The following LRTM1 variants were observed in gnomAD, a reference collection of about 807,000 sequenced individuals.
LRTM1 encodes leucine rich repeat transmembrane protein 1.
LRTM1 carries 38 observed loss-of-function variants against 32.4 expected under a neutral mutation model. That is an observed-to-expected ratio of 1.17 (90% CI 0.91 to 1.54). The LOEUF (loss-of-function observed/expected upper bound fraction) is 1.54, where lower values mean the gene tolerates loss of function less well. Ranked by LOEUF, LRTM1 falls within the 40% of genes most tolerant of loss-of-function variation. LRTM1 has a pLI of 0.00. For missense variants in LRTM1, 466 were observed against 415.4 expected (o/e 1.12, Z -1.06); for synonymous variants, 186 against 169.9 (o/e 1.09, Z -0.74).
intron 1 of LRTM1, among the ~76,000 whole-genome samples, chr3:54,958,477 G>A (rs895534384): frequency 2.0e-5 from 3 of 152,234 alleles, no homozygotes; most frequent in African/African-American, 7.2e-5. Context: ...AGTCTTAGAA[G>A]TGTCTCAGAA....
In LRTM1 at chr3:54,928,034, CCTTG is replaced by C; in HGVS notation, c.-127_-124del. 1 of 885,376 alleles carries C rather than the reference CCTTG, an allele frequency of 1.1e-6. No homozygotes were observed. Among genetic ancestry groups the C allele is most frequent in the Non-Finnish European group, 1.8e-6 (1 of 541,840 alleles). The allele number at this position is 885,376 out of a possible 1,614,324, so 54.8% of individuals were successfully genotyped here. A position where few individuals can be genotyped will look rare whatever the true frequency, so the allele number is the denominator to read the frequency against. ...TACATTCAGTCTTTCTGAACCCTGC[CCTTG>C]CTTTTCTTCAATGCAGAAAACAGTT... is the stretch of plus-strand genomic sequence containing the variant. On this transcript the variant is annotated 5_prime_UTR_variant, in exon 1 of 3. Transcript: ENST00000273286.
intron 1 of LRTM1, among the ~76,000 whole-genome samples, chr3:54,948,978 C>T (rs1361448133): frequency 6.6e-6 from 1 of 152,220 alleles, no homozygotes; most frequent in Non-Finnish European, 1.5e-5. Context: ...GCTTCAGGTA[C>T]AGTTGGATCT....
At chr3:54,940,896 A>C (rs976885276) in intron 1 of LRTM1, among the ~76,000 whole-genome samples, 1 of 152,190 alleles carries the variant, frequency 6.6e-6, no homozygotes, top group African/African-American at 2.4e-5. Context: ...GTATGTTTGC[A>C]TCTTGAAAAA....
At chr3:54,930,420 TAGAC>T (rs1197097138), upstream of LRTM1, among the ~76,000 whole-genome samples, 6 of 152,234 alleles carry the variant, frequency 3.9e-5, no homozygotes, top group African/African-American at 1.4e-4. Flanking sequence ...TAAGGGGGCT[TAGAC>T]AGACAGAGAA....
chr3:54,950,208 G>A (rs958588183), intron 1 of LRTM1, among the ~76,000 whole-genome samples: 1 of 152,204 alleles, frequency 6.6e-6, no homozygotes, highest in Non-Finnish European at 1.5e-5. Context: ...TTCTGAGCTG[G>A]CAAACTTCAA....
Position 54,918,351 on chromosome 3 carries a change from T to TC in LRTM1, c.*107_*108insG. The TC allele has an allele frequency of 3.7e-5, 16 of 434,978 alleles. No individual in the cohort carries two copies. Among genetic ancestry groups the TC allele is most frequent in the South Asian group, 1.8e-4 (3 of 16,302 alleles). 26.9% of individuals were successfully genotyped at this position (434,978 alleles called of 1,614,324 possible). On this transcript the variant is annotated 3_prime_UTR_variant, in exon 3 of 3. Transcript: ENST00000273286. ...TTTTTTCTTTTTTTTTTTTTTTTTT[T>TC]TTTTGTCTTTTGGCAAAAGCAAAAT...
In LRTM1 at chr3:54,926,931, G is replaced by C. The variant is rs1418131637; in HGVS notation, c.7+974C>G. Reference sequence around the variant, plus strand: ...TTCACATTTTCTTAGATACTGCTCTGTCATTCACCAAAGTAGCTGTAACAC... The same window carrying C: ...TTCACATTTTCTTAGATACTGCTCTCTCATTCACCAAAGTAGCTGTAACAC... On this transcript the variant is annotated intron_variant, in intron 1 of 2. Coordinates refer to ENST00000273286, the MANE Select transcript of LRTM1 (RefSeq NM_020678.4). Among the ~76,000 whole-genome samples, 3 of 152,188 alleles carry C rather than the reference G, an allele frequency of 2.0e-5. No homozygotes were observed. The East Asian group carries it at 5.8e-4, about 29-fold the overall frequency.
At chr3:54,962,512 A>G (rs4955913) in intron 1 of LRTM1, among the ~76,000 whole-genome samples, 60,078 of 152,070 alleles carry the variant, frequency 0.4, 13,554 homozygotes, top group East Asian at 0.55. Flanking sequence ...TAGTTAGAGT[A>G]TTTTAATACC....
chr3:54,948,769 C>T (rs2107008792), intron 1 of LRTM1, among the ~76,000 whole-genome samples: 1 of 152,346 alleles, frequency 6.6e-6, no homozygotes, highest in Middle Eastern at 3.4e-3. Context: ...GATCTCTATA[C>T]ATGAAGATAA....
intron 1 of LRTM1, among the ~76,000 whole-genome samples, chr3:54,955,971 A>G (rs1575405361): frequency 6.6e-6 from 1 of 152,312 alleles, no homozygotes; most frequent in East Asian, 1.9e-4. Context: ...GCTGACTCCC[A>G]CATATTCTAA....
chr3:54,940,946 A>C (rs78095105), intron 1 of LRTM1, among the ~76,000 whole-genome samples: 2,202 of 152,296 alleles, frequency 0.014, 47 homozygotes, highest in African/African-American at 0.05. Context: ...TCTTAACAAG[A>C]CTAACTTTGT....
At chr3:54,928,317 A>G (rs1296472463), upstream of LRTM1, among the ~76,000 whole-genome samples, 1 of 152,192 alleles carries the variant, frequency 6.6e-6, no homozygotes, top group African/African-American at 2.4e-5. Context: ...ATCTGCTTGA[A>G]GTACAGGGCA....
rs146552259 is a variant in LRTM1 at position 54,943,557 on chromosome 3, A to G, written c.-221-18342T>C. Among the ~76,000 whole-genome samples, 462 of 152,232 alleles carry G rather than the reference A, an allele frequency of 3.0e-3. 1 individual carries two copies. Among genetic ancestry groups the G allele is most frequent in the Non-Finnish European group, 4.5e-3 (306 of 68,006 alleles). On this transcript the variant is annotated intron_variant, in intron 1 of 2. Transcript: ENST00000493075. ...TTCTCTATTATTTTAATAGCATGGTATGTGTTTTCTTTTTTATGTTATTTT... is the reference window on the plus strand; with the variant it reads ...TTCTCTATTATTTTAATAGCATGGTGTGTGTTTTCTTTTTTATGTTATTTT...
At chr3:54,961,335 C>A (rs1021248982) in intron 1 of LRTM1, among the ~76,000 whole-genome samples, 1 of 152,190 alleles carries the variant, frequency 6.6e-6, no homozygotes, top group African/African-American at 2.4e-5. Flanking sequence ...TCTGGATGAG[C>A]ATTTATCTGT....
chr3:54,931,824 T>C (rs73065651), upstream of LRTM1, among the ~76,000 whole-genome samples: 660 of 152,312 alleles, frequency 4.3e-3, 7 homozygotes, highest in Non-Finnish European at 5.4e-3. Context: ...TACAATAAAA[T>C]TGACAATGTC....
At chr3:54,961,184 A>G (rs183787965) in intron 1 of LRTM1, among the ~76,000 whole-genome samples, 1 of 152,366 alleles carries the variant, frequency 6.6e-6, no homozygotes, top group East Asian at 1.9e-4. Context: ...CACTGCTAGC[A>G]ATCTTTGCCA....
At chr3:54,963,935 C>T (rs1020303985) in intron 1 of LRTM1, among the ~76,000 whole-genome samples, 11 of 152,134 alleles carry the variant, frequency 7.2e-5, no homozygotes, top group South Asian at 2.1e-4. Context: ...GTTGAAGTTT[C>T]GATATCTGTA....
chr3:54,939,298 G>A (rs1429005546), intron 1 of LRTM1, among the ~76,000 whole-genome samples: 5 of 152,212 alleles, frequency 3.3e-5, no homozygotes, highest in Non-Finnish European at 7.3e-5. Flanking sequence ...GAAACTTGAT[G>A]AGACTGACTC....
rs114197678 is a variant in LRTM1, at chr3:54,922,692, C to T, written c.604+1927G>A. 2.8e-3 allele frequency among the ~76,000 whole-genome samples: 422 copies of T among 152,238 alleles called. 2 individuals carry two copies. Among genetic ancestry groups the T allele is most frequent in the African/African-American group, 9.8e-3 (406 of 41,546 alleles). On this transcript the variant is annotated intron_variant, in intron 2 of 2. Coordinates refer to ENST00000273286, the MANE Select transcript of LRTM1 (RefSeq NM_020678.4). ...TTCATGTCTGTAGCTCCAACATCTTCCTGAGCTTCGGGCTTAAATATACAA... is the reference window on the plus strand; with the variant it reads ...TTCATGTCTGTAGCTCCAACATCTTTCTGAGCTTCGGGCTTAAATATACAA...
Sources: gnomAD v4.1 joint callset for allele counts (sites outside exome capture counted in the v4.1 genomes callset) on GRCh38, gnomAD v4.1.1 for gene constraint, MANE v1.5 for transcripts, NCBI Gene and HGNC (gene_info 2026-07-23, HGNC 2026-07-21) for gene names.